Variants in GRID2 observed in about 807,000 individuals in gnomAD.
GRID2 encodes the protein glutamate ionotropic receptor delta type subunit 2.
A neutral mutation model predicts 114.8 loss-of-function variants in GRID2; 33 were observed. The ratio of observed to expected loss-of-function variants is 0.29; its 90% confidence interval spans 0.22 to 0.38. GRID2 has a LOEUF of 0.38. Ranked by LOEUF, GRID2 falls within the 10% of genes least tolerant of loss-of-function variation. The pLI, the probability that GRID2 is intolerant of heterozygous loss-of-function variation, is 1.00. For synonymous variants in GRID2, 505 were observed against 449.9 expected (o/e 1.12, Z -1.55); for missense variants, 1,184 against 1,257.7 (o/e 0.94, Z 0.89).
chr4:93,571,817 A>G (rs1414338040), intron 13 of GRID2, among the ~76,000 whole-genome samples: 1 of 152,120 alleles, frequency 6.6e-6, no homozygotes, highest in Non-Finnish European at 1.5e-5. Flanking sequence ...AGAAAAGGGA[A>G]GATAAGTTTG....
chr4:92,662,400 A>G (rs768790507), intron 2 of GRID2, among the ~76,000 whole-genome samples: 1 of 151,022 alleles, frequency 6.6e-6, no homozygotes, highest in Non-Finnish European at 1.5e-5. Flanking sequence ...GTTATCTTGT[A>G]ACTTGAGGCT....
intron 2 of GRID2, among the ~76,000 whole-genome samples, chr4:92,704,051 T>A (rs1734814714): frequency 2.6e-5 from 4 of 152,032 alleles, no homozygotes; most frequent in Admixed American, 2.6e-4. Flanking sequence ...CCAAGGCGGA[T>A]AGATCACGAG....
At chr4:93,303,695 G>A (rs1451425793) in intron 8 of GRID2, among the ~76,000 whole-genome samples, 1 of 152,024 alleles carries the variant, frequency 6.6e-6, no homozygotes, top group African/African-American at 2.4e-5. Flanking sequence ...TTTTGTTTAT[G>A]TATCCATACA....
intron 2 of GRID2, among the ~76,000 whole-genome samples, chr4:92,928,280 A>G (rs1227925089): frequency 6.6e-6 from 1 of 151,750 alleles, no homozygotes; most frequent in African/African-American, 2.4e-5. Context: ...TAAAAAGTAG[A>G]GGGCTGGAAT....
intron 14 of GRID2, among the ~76,000 whole-genome samples, chr4:93,677,784 T>G (rs1415908391): frequency 5.3e-5 from 8 of 151,884 alleles, no homozygotes; most frequent in African/African-American, 1.9e-4. Flanking sequence ...CATCTGTACA[T>G]CACCAGCATC....
intron 2 of GRID2, among the ~76,000 whole-genome samples, chr4:92,960,034 G>A (rs1287640440): frequency 6.6e-6 from 1 of 151,878 alleles, no homozygotes; most frequent in Non-Finnish European, 1.5e-5. Context: ...GAGAAAAAAA[G>A]GGGTGTATTT....
At chr4:92,731,973 A>C (rs1736349877) in intron 2 of GRID2, among the ~76,000 whole-genome samples, 1 of 151,988 alleles carries the variant, frequency 6.6e-6, no homozygotes, top group Non-Finnish European at 1.5e-5. Context: ...TCACTGCCTT[A>C]GAAATTCTTA....
chr4:92,799,330 G>T (rs1435682877), intron 2 of GRID2, among the ~76,000 whole-genome samples: 2 of 151,904 alleles, frequency 1.3e-5, no homozygotes, highest in Non-Finnish European at 2.9e-5. Context: ...TGGAGCCCAG[G>T]CGATAATACT....
chr4:92,879,989 A>G (rs1230111904), intron 2 of GRID2, among the ~76,000 whole-genome samples: 1 of 152,192 alleles, frequency 6.6e-6, no homozygotes, highest in Non-Finnish European at 1.5e-5. Context: ...TTTTTACCAA[A>G]CAGAAAGTTC....
rs114288384 is a variant in GRID2, at chr4:92,872,320, T to A, written c.245-212675T>A. On this transcript the variant is annotated intron_variant, in intron 2 of 15. Coordinates refer to ENST00000282020, the MANE Select transcript of GRID2 (RefSeq NM_001510.4). ...AAGAAGACATATAAATGGCAATTAGTTAAACTGAAAACTTTCCAATTTCAT... is the reference window on the plus strand; with the variant it reads ...AAGAAGACATATAAATGGCAATTAGATAAACTGAAAACTTTCCAATTTCAT... Among the ~76,000 whole-genome samples, 904 of 152,236 alleles carry A rather than the reference T, an allele frequency of 5.9e-3. 16 individuals are homozygous for A. Among genetic ancestry groups the A allele is most frequent in the African/African-American group, 0.021 (858 of 41,552 alleles).
chr4:92,316,361 A>C (rs149637644), intron 1 of GRID2, among the ~76,000 whole-genome samples: 1 of 152,158 alleles, frequency 6.6e-6, no homozygotes, highest in Non-Finnish European at 1.5e-5. Flanking sequence ...CCACAGATGT[A>C]AGAGGGACTG....
intron 8 of GRID2, among the ~76,000 whole-genome samples, chr4:93,241,868 G>T (rs770555131): frequency 1.2e-4 from 18 of 151,544 alleles, no homozygotes; most frequent in Non-Finnish European, 2.2e-4. Context: ...TGTTGGGAGA[G>T]ATTTTTTACA....
intron 2 of GRID2, among the ~76,000 whole-genome samples, chr4:92,744,181 A>T (rs1214049472): frequency 2.0e-5 from 3 of 152,114 alleles, no homozygotes; most frequent in African/African-American, 7.2e-5. Flanking sequence ...AATGAAAAGG[A>T]GATAATAAAT....
chr4:93,692,732 A>C (rs1726674838), intron 14 of GRID2, among the ~76,000 whole-genome samples: 1 of 152,246 alleles, frequency 6.6e-6, no homozygotes, highest in East Asian at 1.9e-4. Context: ...TTTCTCCTGT[A>C]TCTAGCACAG....
chr4:93,251,510 A>C (rs1037833341), intron 8 of GRID2, among the ~76,000 whole-genome samples: 2 of 152,180 alleles, frequency 1.3e-5, no homozygotes, highest in African/African-American at 4.8e-5. Context: ...CCAATTTTTT[A>C]AACTTTAAAG....
At chr4:92,666,650 G>GTTTTTTTTTTTTTTTTTTTTGTTTTTTT in intron 2 of GRID2, among the ~76,000 whole-genome samples, 1 of 68,594 alleles carries the variant, frequency 1.5e-5, no homozygotes. Flanking sequence ...CTTAAGGGTT[G>GTTTTTTTTTTTTTTTTTTTTGTTTTTTT]TTTTTTTTTT....
intron 1 of GRID2, among the ~76,000 whole-genome samples, chr4:92,452,084 A>G (rs966600322): frequency 2.0e-5 from 3 of 152,204 alleles, no homozygotes; most frequent in African/African-American, 4.8e-5. Context: ...CCAAGGATGT[A>G]TAAGTGTAAA....
intron 2 of GRID2, among the ~76,000 whole-genome samples, chr4:92,921,016 G>C (rs1327846538): frequency 6.6e-6 from 1 of 152,058 alleles, no homozygotes. Flanking sequence ...TTTTCACATA[G>C]TCCCATATTT....
chr4:93,130,196 T>G (rs771571079), intron 4 of GRID2, among the ~76,000 whole-genome samples: 7 of 152,172 alleles, frequency 4.6e-5, no homozygotes, highest in Non-Finnish European at 8.8e-5. Flanking sequence ...TCCCACCACT[T>G]TGGGAGGCTG....
Sources: allele counts gnomAD v4.1 joint callset (sites outside exome capture counted in the v4.1 genomes callset), GRCh38; gene constraint gnomAD v4.1.1; transcripts MANE v1.5; gene names NCBI Gene and HGNC (gene_info 2026-07-23, HGNC 2026-07-21).